Variants in PCDHGA12 observed in about 807,000 individuals in gnomAD.
PCDHGA12 encodes protocadherin gamma-A12.
In PCDHGA12, 43 loss-of-function variants were observed where a neutral mutation model predicts 61.1. That is an observed-to-expected ratio of 0.70 (90% CI 0.55 to 0.91). PCDHGA12 has a LOEUF of 0.91. PCDHGA12 is among the 40% of genes least tolerant of loss of function. The pLI is 0.00. For missense variants in PCDHGA12, 1,236 were observed against 1,227.7 expected (o/e 1.01, Z -0.10); for synonymous variants, 520 against 542.9 (o/e 0.96, Z 0.59).
intron 1 of PCDHGA12, among the ~76,000 whole-genome samples, chr5:141,458,869 A>G (rs2154566384): frequency 6.6e-6 from 1 of 152,264 alleles, no homozygotes; most frequent in East Asian, 1.9e-4. Context: ...AGTAGCTGGG[A>G]CTACAGGCAT....
At chr5:141,437,249 T>G (rs2097870737) in intron 1 of PCDHGA12, among the ~76,000 whole-genome samples, 1 of 152,240 alleles carries the variant, frequency 6.6e-6, no homozygotes, top group African/African-American at 2.4e-5. Context: ...GGACTTTCCT[T>G]GTCTTTTTAT....
chr5:141,467,162 C>T (rs765574629), intron 1 of PCDHGA12, among the ~76,000 whole-genome samples: 1 of 151,724 alleles, frequency 6.6e-6, no homozygotes, highest in Non-Finnish European at 1.5e-5. Flanking sequence ...AAGTGATTCT[C>T]ATCTCTCAGC....
At chr5:141,440,822 A>T (rs1561900737) in intron 1 of PCDHGA12, 2 of 152,058 alleles carry the variant, frequency 1.3e-5, no homozygotes, top group Non-Finnish European at 2.9e-5. Context: ...TCAACTCCTG[A>T]TCCTATTGGT....
intron 1 of PCDHGA12, among the ~76,000 whole-genome samples, chr5:141,457,938 G>A (rs915640623): frequency 6.6e-6 from 1 of 152,160 alleles, no homozygotes; most frequent in African/African-American, 2.4e-5. Flanking sequence ...GCTTTTATTG[G>A]CTCTGCATGT....
Position 141,485,548 on chromosome 5 carries a change from T to C in PCDHGA12, c.2425-9259T>C, listed in dbSNP as rs749739126. ...ACCGAGCAGAGGTAGAGATCGTAGA[T>C]GTGAATGATCACGCCCCCCGTTTTC... On this transcript the variant is annotated intron_variant, in intron 1 of 3. Transcript: ENST00000252085. This position sits in a 1 kb window ranked among gnomAD's most constrained non-coding sequence, Gnocchi z 5.7. The C allele has an allele frequency of 3.1e-6, 5 of 1,614,040 alleles. No homozygotes were observed. The highest frequency in any genetic ancestry group is 3.4e-6 in the Non-Finnish European group (4 of 1,179,942).
At chr5:141,473,548 C>A (rs1158305951) in intron 1 of PCDHGA12, among the ~76,000 whole-genome samples, 3 of 152,118 alleles carry the variant, frequency 2.0e-5, no homozygotes, top group South Asian at 2.1e-4. Context: ...TAATGGAAGA[C>A]CTCTATTAGG....
chr5:141,457,471 C>T (rs1478580665), intron 1 of PCDHGA12, among the ~76,000 whole-genome samples: 1 of 152,182 alleles, frequency 6.6e-6, no homozygotes, highest in African/African-American at 2.4e-5. Context: ...CAGGAATAAG[C>T]AGGGCCAGGG....
intron 1 of PCDHGA12, among the ~76,000 whole-genome samples, chr5:141,460,304 A>T (rs769422296): frequency 2.6e-5 from 4 of 152,144 alleles, no homozygotes; most frequent in Admixed American, 6.5e-5. Flanking sequence ...TCCTATTCAA[A>T]AACTCCTTGC....
intron 1 of PCDHGA12, among the ~76,000 whole-genome samples, chr5:141,488,087 G>A (rs1479773288): frequency 6.6e-6 from 1 of 152,198 alleles, no homozygotes; most frequent in East Asian, 1.9e-4. Flanking sequence ...CTAGTACACT[G>A]TGAAGGGACC....
rs992592523 is a variant in PCDHGA12 at position 141,432,710 on chromosome 5, C to T, written c.1951C>T (p.Gln651Ter). Reference protein sequence around the residue: ...SLVVAVQDHGQPPLSATVTLT... With the variant: ...SLVVAVQDHG ...CGTAGTGGCCGTCCAGGACCACGGC[C>T]AGCCCCCTCTCTCCGCCACTGTCAC... The change falls in exon 1 of 4, where the codon CAG (glutamine) becomes TAG (stop). Residue 651 changes from glutamine (Q) to a stop codon, truncating the protein, a stop_gained. Coordinates refer to ENST00000252085, the MANE Select transcript of PCDHGA12 (RefSeq NM_003735.3). LOFTEE classifies it high-confidence loss of function. This position sits in a 1 kb window ranked among gnomAD's most constrained non-coding sequence, Gnocchi z 6.0. The T allele has an allele frequency of 6.2e-7, 1 of 1,613,884 alleles. No homozygotes were observed.
chr5:141,486,121 T>G lies in PCDHGA12; in HGVS notation c.2425-8686T>G. The G allele has an allele frequency of 6.2e-7, 1 of 1,614,204 alleles. No homozygotes were observed. Among genetic ancestry groups the G allele is most frequent in the Non-Finnish European group, 8.5e-7 (1 of 1,180,036 alleles). Reference sequence around the variant, plus strand: ...TAGACTTTGAGAGTGAGAATTACTATGAATTTGATGTGCGGGCTCGCGATG... The same window carrying G: ...TAGACTTTGAGAGTGAGAATTACTAGGAATTTGATGTGCGGGCTCGCGATG... On this transcript the variant is annotated intron_variant, in intron 1 of 3. Transcript: ENST00000252085. The surrounding 1 kb of genome is among the most constrained non-coding windows in gnomAD (Gnocchi z 5.0).
intron 1 of PCDHGA12, among the ~76,000 whole-genome samples, chr5:141,442,680 A>C (rs2098335997): frequency 6.6e-6 from 1 of 152,270 alleles, no homozygotes; most frequent in Non-Finnish European, 1.5e-5. Flanking sequence ...CTTGAGGGAC[A>C]GTAGTCAGGC....
intron 1 of PCDHGA12, among the ~76,000 whole-genome samples, chr5:141,437,331 A>G (rs2097876062): frequency 6.6e-6 from 1 of 152,244 alleles, no homozygotes; most frequent in Non-Finnish European, 1.5e-5. Context: ...TAAAATTTGT[A>G]GCTTCACTGT....
At chr5:141,502,441 GAT>G (rs2099814262) in intron 2 of PCDHGA12, among the ~76,000 whole-genome samples, 1 of 152,000 alleles carries the variant, frequency 6.6e-6, no homozygotes, top group Non-Finnish European at 1.5e-5. Flanking sequence ...GTTAGATTCA[GAT>G]TACACACCTT....
chr5:141,481,401 CT>C (rs2099537157), intron 1 of PCDHGA12, among the ~76,000 whole-genome samples: 1 of 152,204 alleles, frequency 6.6e-6, no homozygotes, highest in African/African-American at 2.4e-5. Flanking sequence ...TGACAAAATT[CT>C]TGTATAATTA....
In PCDHGA12 at chr5:141,511,477, C is replaced by A; in HGVS notation, c.*304C>A. 2.1e-6 allele frequency: 1 copy of A among 482,262 alleles called. No homozygotes were observed. The allele number at this position is 482,262 out of a possible 1,614,324, so 29.9% of individuals were successfully genotyped here. A position where few individuals can be genotyped will look rare whatever the true frequency, so the allele number is the denominator to read the frequency against. On this transcript the variant is annotated 3_prime_UTR_variant, in exon 4 of 4. Coordinates refer to ENST00000252085, the MANE Select transcript of PCDHGA12 (RefSeq NM_003735.3). ...TTTGCCACACCCCGTTTAGTTACAG[C>A]TGAACTCCTCCATCTTCCAAATCAA...
chr5:141,503,136 A>G (rs1352550702), intron 2 of PCDHGA12, among the ~76,000 whole-genome samples: 5 of 151,846 alleles, frequency 3.3e-5, no homozygotes, highest in Admixed American at 2.0e-4. Context: ...GTAGCCCCTG[A>G]CACAGCCCAT....
chr5:141,470,627 G>A (rs977900352), intron 1 of PCDHGA12, among the ~76,000 whole-genome samples: 3 of 152,154 alleles, frequency 2.0e-5, no homozygotes, highest in Non-Finnish European at 2.9e-5. Flanking sequence ...TGCTTAGATA[G>A]GCCCCCTTGC....
Position 141,485,436 on chromosome 5 carries a change from A to G in PCDHGA12, c.2425-9371A>G, listed in dbSNP as rs2099613369. On this transcript the variant is annotated intron_variant, in intron 1 of 3. Transcript: ENST00000252085. This position sits in a 1 kb window ranked among gnomAD's most constrained non-coding sequence, Gnocchi z 5.7. ...GACAGCGGAGCCCTGCTCATCAAGA[A>G]CCCAATCGACCGAGAGGCACTGTGT... 1.9e-6 allele frequency: 3 copies of G among 1,614,092 alleles called. No individual in the cohort carries two copies. The highest frequency in any genetic ancestry group is 2.7e-5 in the African/African-American group (2 of 74,934).
Sources: gnomAD v4.1 joint callset for allele counts (sites outside exome capture counted in the v4.1 genomes callset) on GRCh38, gnomAD v4.1.1 for gene constraint, Gnocchi (gnomAD v3.1) non-coding constraint, MANE v1.5 for transcripts, NCBI Gene and HGNC (gene_info 2026-07-23, HGNC 2026-07-21) for gene names.